The following PTPRM variants were observed in gnomAD, a reference collection of about 807,000 sequenced individuals.
The protein encoded by PTPRM is receptor-type tyrosine-protein phosphatase mu.
Under a neutral mutation model 186.7 loss-of-function variants are expected in PTPRM, and 47 were observed. That is an observed-to-expected ratio of 0.25 (90% CI 0.20 to 0.32). The LOEUF (loss-of-function observed/expected upper bound fraction) is 0.32, where lower values mean the gene tolerates loss of function less well. PTPRM is among the 10% of genes least tolerant of loss of function. The pLI, the probability that PTPRM is intolerant of heterozygous loss-of-function variation, is 1.00. For synonymous variants in PTPRM, 668 were observed against 674.9 expected (o/e 0.99, Z 0.16); for missense variants, 1,494 against 1,865.0 (o/e 0.80, Z 3.66).
At chr18:8,245,413 T>C (rs2094468626) in intron 15 of PTPRM, among the ~76,000 whole-genome samples, 1 of 152,182 alleles carries the variant, frequency 6.6e-6, no homozygotes, top group African/African-American at 2.4e-5. Context: ...GCTTTCATCC[T>C]TGATCTTCTT....
intron 14 of PTPRM, among the ~76,000 whole-genome samples, chr18:8,225,761 C>A (rs1182257217): frequency 6.6e-6 from 1 of 152,046 alleles, no homozygotes; most frequent in Non-Finnish European, 1.5e-5. Context: ...AGGGAACGTC[C>A]TAAAATCATA....
intron 13 of PTPRM, among the ~76,000 whole-genome samples, chr18:8,133,770 G>C (rs1431396834): frequency 1.3e-5 from 2 of 152,090 alleles, no homozygotes; most frequent in Non-Finnish European, 2.9e-5. Context: ...CTCATGGAAG[G>C]CCTTTTGAAA....
chr18:7,894,370 A>T (rs1189049635), intron 3 of PTPRM, among the ~76,000 whole-genome samples: 1 of 152,016 alleles, frequency 6.6e-6, no homozygotes, highest in African/African-American at 2.4e-5. Flanking sequence ...GCGGATCATG[A>T]GGTCAGGAGA....
chr18:8,187,468 C>T (rs543079318), intron 14 of PTPRM, among the ~76,000 whole-genome samples: 3 of 152,256 alleles, frequency 2.0e-5, no homozygotes, highest in Admixed American at 2.0e-4. Context: ...TGCCTGGTGC[C>T]TTTAGGTCAG....
At chr18:8,328,043 A>G (rs1272596925) in intron 22 of PTPRM, among the ~76,000 whole-genome samples, 3 of 152,260 alleles carry the variant, frequency 2.0e-5, no homozygotes, top group Non-Finnish European at 4.4e-5. Context: ...ACAACAGTTC[A>G]AACTTTGTTG....
At chr18:7,721,364 A>T (rs1176677967) in intron 1 of PTPRM, among the ~76,000 whole-genome samples, 1 of 151,962 alleles carries the variant, frequency 6.6e-6, no homozygotes, top group Non-Finnish European at 1.5e-5. Context: ...TATGTTCTGT[A>T]TATTAACTCT....
chr18:7,911,725 A>T (rs2050273191), intron 4 of PTPRM, among the ~76,000 whole-genome samples: 1 of 149,872 alleles, frequency 6.7e-6, no homozygotes, highest in Non-Finnish European at 1.5e-5. Context: ...AAATTTTGAT[A>T]AAGTCCAATT....
At chr18:7,712,259 G>T (rs965553559) in intron 1 of PTPRM, among the ~76,000 whole-genome samples, 1 of 152,180 alleles carries the variant, frequency 6.6e-6, no homozygotes, top group Admixed American at 6.5e-5. Flanking sequence ...CAGACCTGCA[G>T]CAGAGGGGCC....
chr18:7,980,014 C>G (rs1372877709), intron 7 of PTPRM, among the ~76,000 whole-genome samples: 1 of 152,200 alleles, frequency 6.6e-6, no homozygotes, highest in Non-Finnish European at 1.5e-5. Context: ...CACATGGATT[C>G]CCTGGATATC....
chr18:8,067,347 T>G (rs2089160933), intron 7 of PTPRM, among the ~76,000 whole-genome samples: 2 of 152,180 alleles, frequency 1.3e-5, no homozygotes, highest in African/African-American at 4.8e-5. Context: ...AAGTTACTAG[T>G]CTAGGGAAAA....
intron 26 of PTPRM, chr18:8,376,860 A>C (rs2095699448): frequency 2.6e-6 from 1 of 386,752 alleles, no homozygotes; most frequent in Non-Finnish European, 4.6e-6. Context: ...GGGACCCAAA[A>C]AAGTCTCTGT....
chr18:7,848,245 A>T (rs1423654250), intron 2 of PTPRM, among the ~76,000 whole-genome samples: 1 of 152,214 alleles, frequency 6.6e-6, no homozygotes, highest in Non-Finnish European at 1.5e-5. Flanking sequence ...ATACTTACTT[A>T]AATAAGTTGA....
At position 8,406,252 on chromosome 18, in the gene PTPRM, A is replaced by G. The variant is rs2095905834; in HGVS notation, c.*90A>G. The G allele has an allele frequency of 6.4e-6, 8 of 1,247,238 alleles. No homozygotes were observed. The highest frequency in any genetic ancestry group is 1.5e-5 in the African/African-American group (1 of 66,268). The allele number at this position is 1,247,238 out of a possible 1,614,324, so 77.3% of individuals were successfully genotyped here. On this transcript the variant is annotated 3_prime_UTR_variant, in exon 33 of 33. Transcript: ENST00000580170. ...GTGCAAAAGAGATGAAGACTTCTCA[A>G]TATGCTTATTTTGCTTTGCATAATT...
intron 14 of PTPRM, among the ~76,000 whole-genome samples, chr18:8,180,178 A>G (rs987812650): frequency 6.6e-6 from 1 of 152,208 alleles, no homozygotes; most frequent in Non-Finnish European, 1.5e-5. Flanking sequence ...CAGCCAAAGA[A>G]GGCAAGGTGT....
intron 23 of PTPRM, among the ~76,000 whole-genome samples, chr18:8,367,404 G>A (rs922728890): frequency 1.6e-4 from 25 of 152,372 alleles, no homozygotes; most frequent in African/African-American, 6.0e-4. Context: ...AATTACCGCC[G>A]GGTCGGAGGC....
At chr18:8,066,216 G>A (rs2089062589) in intron 7 of PTPRM, among the ~76,000 whole-genome samples, 1 of 152,178 alleles carries the variant, frequency 6.6e-6, no homozygotes, top group Non-Finnish European at 1.5e-5. Context: ...AATTGTATGA[G>A]AATTAGTAAA....
intron 20 of PTPRM, among the ~76,000 whole-genome samples, chr18:8,297,538 G>T (rs1438340174): frequency 1.3e-5 from 2 of 152,176 alleles, no homozygotes; most frequent in African/African-American, 4.8e-5. Flanking sequence ...TGTGTACTTG[G>T]AATATGGCCG....
chr18:8,023,295 A>T (rs761331970), intron 7 of PTPRM, among the ~76,000 whole-genome samples: 23 of 152,196 alleles, frequency 1.5e-4, no homozygotes, highest in Non-Finnish European at 2.9e-4. Flanking sequence ...TAGAGAGGAC[A>T]TTAATCCTTG....
At chr18:8,340,294 A>C (rs919986287) in intron 22 of PTPRM, among the ~76,000 whole-genome samples, 2 of 152,052 alleles carry the variant, frequency 1.3e-5, no homozygotes, top group East Asian at 3.9e-4. Context: ...GTTCAATTTC[A>C]TTTTTAGATT....
Sources: gnomAD v4.1 joint callset for allele counts (sites outside exome capture counted in the v4.1 genomes callset) on GRCh38, gnomAD v4.1.1 for gene constraint, MANE v1.5 for transcripts, NCBI Gene and HGNC (gene_info 2026-07-23, HGNC 2026-07-21) for gene names.